CENPO: variants seen among roughly 807,000 people sequenced by gnomAD.
The protein encoded by CENPO is centromeric protein O.
Under a neutral mutation model 36.1 loss-of-function variants are expected in CENPO, and 30 were observed. That is an observed-to-expected ratio of 0.83 (90% CI 0.62 to 1.13). The LOEUF is 1.13. Ranked by LOEUF, CENPO falls within the 50% of genes most tolerant of loss-of-function variation. The pLI is 0.00. For synonymous variants in CENPO, 171 were observed against 142.3 expected, an observed-to-expected ratio of 1.20 and a Z score of -1.44; for missense variants, 349 against 357.8, an observed-to-expected ratio of 0.98 and a Z score of 0.20.
Position 24,820,665 on chromosome 2 carries a change from G to C in CENPO, c.*1347G>C. 1.2e-6 allele frequency: 2 copies of C among 1,607,016 alleles called. No homozygotes were observed. The highest frequency in any genetic ancestry group is 1.7e-6 in the Non-Finnish European group (2 of 1,175,558). On this transcript the variant is annotated 3_prime_UTR_variant, in exon 8 of 8. Transcript: ENST00000380834. ...AGGCAGGGGCACGTGGGAAAGCACT[G>C]TTCCGGTTTTGTTCTCATGCCGAGT...
chr2:24,820,154 G>C lies in CENPO; in HGVS notation c.*836G>C. 6.7e-7 allele frequency: 1 copy of C among 1,502,742 alleles called. No individual in the cohort carries two copies. Among genetic ancestry groups the C allele is most frequent in the Non-Finnish European group, 8.9e-7 (1 of 1,118,766 alleles). 93.1% of individuals were successfully genotyped at this position (1,502,742 alleles called of 1,614,324 possible). A position where few individuals can be genotyped will look rare whatever the true frequency, so the allele number is the denominator to read the frequency against. On this transcript the variant is annotated 3_prime_UTR_variant, in exon 8 of 8. Coordinates refer to ENST00000380834, the MANE Select transcript of CENPO (RefSeq NM_001322101.2). ...GGAGCAAGAACGTGGCGTTACGGGG[G>C]GAGCCTAGACTGAGGGCGGGTGGGG... is the stretch of plus-strand genomic sequence containing the variant.
Position 24,821,498 on chromosome 2 carries a change from G to A in CENPO, c.*2180G>A. ...GGGAAGGGAGCCTGCTGCGGGGCAG[G>A]CCAGCTGGGGGTGCTCACCTATGCG... On this transcript the variant is annotated 3_prime_UTR_variant, in exon 8 of 8. Coordinates refer to ENST00000380834, the MANE Select transcript of CENPO (RefSeq NM_001322101.2). 1 of 1,612,978 alleles carries A rather than the reference G, an allele frequency of 6.2e-7. No homozygotes were observed. The highest frequency in any genetic ancestry group is 8.5e-7 in the Non-Finnish European group (1 of 1,179,392).
chr2:24,807,469 AT>A (rs1202224831), intron 3 of CENPO, among the ~76,000 whole-genome samples: 4 of 151,988 alleles, frequency 2.6e-5, no homozygotes, highest in Admixed American at 6.6e-5. Flanking sequence ...TATAGTGCTC[AT>A]TTTTTTTATT....
chr2:24,796,823 C>T (rs1018177415), intron 2 of CENPO, among the ~76,000 whole-genome samples: 2 of 150,974 alleles, frequency 1.3e-5, no homozygotes, highest in South Asian at 2.1e-4. Context: ...GGATAAGGGG[C>T]GGCTGTGGAA....
intron 3 of CENPO, among the ~76,000 whole-genome samples, chr2:24,810,818 G>GT (rs959423521): frequency 1.3e-5 from 2 of 152,002 alleles, no homozygotes; most frequent in Non-Finnish European, 2.9e-5. Context: ...TGCAGGGTAA[G>GT]TTTTTTCTGT....
intron 3 of CENPO, among the ~76,000 whole-genome samples, chr2:24,810,143 T>G (rs1666610749): frequency 6.6e-6 from 1 of 152,232 alleles, no homozygotes; most frequent in Non-Finnish European, 1.5e-5. Flanking sequence ...TGATTGTAGA[T>G]GAATTTTTCC....
chr2:24,811,282 C>CTTTTTTTTTTTTTTTTT (rs70947848), intron 3 of CENPO, among the ~76,000 whole-genome samples: 1 of 105,548 alleles, frequency 9.5e-6, no homozygotes, highest in Non-Finnish European at 1.8e-5. Flanking sequence ...AGTCCATGAA[C>CTTTTTTTTTTTTTTTTT]TTTTTTTTTT....
Position 24,793,494 on chromosome 2 carries a change from T to C in CENPO, c.-76T>C. 3 of 1,599,600 alleles carry C rather than the reference T, an allele frequency of 1.9e-6. No individual in the cohort carries two copies. The highest frequency in any genetic ancestry group is 8.5e-7 in the Non-Finnish European group (1 of 1,172,730). ...CGTGGATGGCGGGAATTCTCGCTTC[T>C]GGCCTGGGTGAGCTAGAAGGGAGAA... On this transcript the variant is annotated 5_prime_UTR_variant, in exon 1 of 8. Coordinates refer to ENST00000380834, the MANE Select transcript of CENPO (RefSeq NM_001322101.2).
intron 3 of CENPO, among the ~76,000 whole-genome samples, chr2:24,801,894 T>C (rs1230474827): frequency 1.3e-5 from 2 of 152,238 alleles, no homozygotes; most frequent in Non-Finnish European, 2.9e-5. Flanking sequence ...GGGGATGGCA[T>C]TGAATCCATA....
At chr2:24,797,186 A>G (rs768731044) in intron 2 of CENPO, among the ~76,000 whole-genome samples, 3 of 152,238 alleles carry the variant, frequency 2.0e-5, no homozygotes, top group Non-Finnish European at 4.4e-5. Context: ...ATGTATATTC[A>G]ATAGGATCTG....
At chr2:24,801,258 T>G (rs985880458) in intron 3 of CENPO, among the ~76,000 whole-genome samples, 1 of 152,198 alleles carries the variant, frequency 6.6e-6, no homozygotes. Flanking sequence ...TTGGAAAAAT[T>G]TTCTCCCATT....
rs1349387752 is a variant in CENPO at position 24,822,287 on chromosome 2, AG to A, written c.*2971del. The A allele has an allele frequency of 2.6e-5, 14 of 532,368 alleles. No individual in the cohort carries two copies. The highest frequency in any genetic ancestry group is 3.9e-5 in the Non-Finnish European group (12 of 310,446). 33.0% of individuals were successfully genotyped at this position (532,368 alleles called of 1,614,324 possible). A position where few individuals can be genotyped will look rare whatever the true frequency, so the allele number is the denominator to read the frequency against. ...CCTGGCCACAGAACACAACCATCTT[AG>A]GCCTGAGCTGTGAACAGCAGGGGGT... On this transcript the variant is annotated 3_prime_UTR_variant, in exon 8 of 8. Transcript: ENST00000380834.
intron 4 of CENPO, among the ~76,000 whole-genome samples, chr2:24,815,196 C>G (rs1200103925): frequency 6.6e-6 from 1 of 151,128 alleles, no homozygotes; most frequent in Non-Finnish European, 1.5e-5. Context: ...TGAGATCGTG[C>G]CACCGCACTC....
rs1667475267 is a variant in CENPO, at chr2:24,820,575, CAG to C, written c.*1261_*1262del. The C allele has an allele frequency of 6.9e-7, 1 of 1,455,046 alleles. No homozygotes were observed. The highest frequency in any genetic ancestry group is 9.2e-7 in the Non-Finnish European group (1 of 1,092,008). The allele number at this position is 1,455,046 out of a possible 1,614,324, so 90.1% of individuals were successfully genotyped here. Reference sequence around the variant, plus strand: ...CTTCCTGTGCTGAGGCTAGCTATTGCAGAGATTCTTTTCCACTTGCCCCACGT... The same window carrying C: ...CTTCCTGTGCTGAGGCTAGCTATTGCAGATTCTTTTCCACTTGCCCCACGT... On this transcript the variant is annotated 3_prime_UTR_variant, in exon 8 of 8. Transcript: ENST00000380834.
intron 5 of CENPO, 32 bp from the exon 6 acceptor site, chr2:24,816,614 C>T (rs781355169): frequency 9.8e-6 from 15 of 1,528,324 alleles, no homozygotes; most frequent in African/African-American, 1.4e-5. Context: ...TGCAGTCATC[C>T]TCTACTTCGT....
Position 24,810,564 on chromosome 2 carries a change from A to G in CENPO, c.217-3812A>G, listed in dbSNP as rs185629403. On this transcript the variant is annotated intron_variant, in intron 3 of 7. Transcript: ENST00000380834. ...CTCTTGTCGCCCAGGCTGGAGTGCAATGGTGCCATCTTGGCTCACTGGAAC... is the reference window on the plus strand; with the variant it reads ...CTCTTGTCGCCCAGGCTGGAGTGCAGTGGTGCCATCTTGGCTCACTGGAAC... Among the ~76,000 whole-genome samples the G allele has an allele frequency of 6.6e-3, 916 of 139,542 alleles. 11 individuals are homozygous for G. The highest frequency in any genetic ancestry group is 0.023 in the African/African-American group (869 of 37,244). The allele number at this position is 139,542 out of a possible 152,430, so 91.5% of individuals were successfully genotyped here. A position where few individuals can be genotyped will look rare whatever the true frequency, so the allele number is the denominator to read the frequency against.
At chr2:24,793,588 C>T in intron 1 of CENPO, 87 bp downstream of exon 1, 3 of 1,466,016 alleles carry the variant, frequency 2.0e-6, no homozygotes, top group Non-Finnish European at 1.8e-6. Flanking sequence ...CTTCTTAAAA[C>T]TCCTTCCGTG....
chr2:24,813,781 T>C (rs1666814979), intron 3 of CENPO, among the ~76,000 whole-genome samples: 1 of 152,202 alleles, frequency 6.6e-6, no homozygotes, highest in Non-Finnish European at 1.5e-5. Context: ...AAGGAAATGC[T>C]CTGAGGCCAG....
chr2:24,812,050 G>A (rs990424602), intron 3 of CENPO, among the ~76,000 whole-genome samples: 1 of 152,092 alleles, frequency 6.6e-6, no homozygotes, highest in Non-Finnish European at 1.5e-5. Flanking sequence ...TTCCATCTGC[G>A]ATTATTTTCT....
Sources: allele counts gnomAD v4.1 joint callset (sites outside exome capture counted in the v4.1 genomes callset), GRCh38; gene constraint gnomAD v4.1.1; transcripts MANE v1.5; gene names NCBI Gene and HGNC (gene_info 2026-07-23, HGNC 2026-07-21).